Variants in SLC27A6 observed in about 807,000 individuals in gnomAD.
SLC27A6 encodes solute carrier family 27 member 6.
Under a neutral mutation model 63.9 loss-of-function variants are expected in SLC27A6, and 74 were observed. The observed-to-expected ratio is 1.16, with a 90% CI of 0.96 to 1.40. SLC27A6 has a LOEUF of 1.40. Among genes scored for constraint, SLC27A6 ranks in the 40% most tolerant of loss-of-function variants. The pLI, the probability that SLC27A6 is intolerant of heterozygous loss-of-function variation, is 0.00. For synonymous variants in SLC27A6, 287 were observed against 260.8 expected, an observed-to-expected ratio of 1.10 and a Z score of -0.97; for missense variants, 794 against 732.9, an observed-to-expected ratio of 1.08 and a Z score of -0.96.
intron 4 of SLC27A6, among the ~76,000 whole-genome samples, chr5:128,994,195 T>C (rs1751078561): frequency 6.6e-6 from 1 of 152,108 alleles, no homozygotes; most frequent in African/African-American, 2.4e-5. Context: ...ATTTTTAATT[T>C]TAATTTTTAA....
At chr5:129,012,148 TTCTG>T (rs1751748096) in intron 4 of SLC27A6, among the ~76,000 whole-genome samples, 1 of 151,986 alleles carries the variant, frequency 6.6e-6, no homozygotes, top group Admixed American at 6.6e-5. Flanking sequence ...ATAATTTTTA[TTCTG>T]TCTTATTTTT....
At chr5:129,014,835 A>G (rs1393830747) in intron 4 of SLC27A6, among the ~76,000 whole-genome samples, 1 of 152,178 alleles carries the variant, frequency 6.6e-6, no homozygotes, top group East Asian at 1.9e-4. Flanking sequence ...CTTGGATTTC[A>G]GCCTTATCCA....
At chr5:128,981,795 GT>G (rs1400058777) in intron 1 of SLC27A6, among the ~76,000 whole-genome samples, 1 of 103,360 alleles carries the variant, frequency 9.7e-6, no homozygotes, top group Non-Finnish European at 2.1e-5. Flanking sequence ...CATGAAAAGA[GT>G]TTTTTTCTTT....
chr5:128,989,923 C>CAAA (rs11415836), intron 3 of SLC27A6, among the ~76,000 whole-genome samples: 5 of 96,464 alleles, frequency 5.2e-5, no homozygotes, highest in African/African-American at 2.1e-4. Flanking sequence ...GACTCCGTCT[C>CAAA]AAAAAAAAAA....
At chr5:129,006,589 T>A (rs898127140) in intron 4 of SLC27A6, among the ~76,000 whole-genome samples, 57 of 152,146 alleles carry the variant, frequency 3.7e-4, no homozygotes, top group African/African-American at 1.4e-3. Flanking sequence ...ATTATTTTCA[T>A]TTACATAAAA....
chr5:128,983,110 C>A (rs1750648525), intron 1 of SLC27A6, among the ~76,000 whole-genome samples: 1 of 152,022 alleles, frequency 6.6e-6, no homozygotes, highest in Non-Finnish European at 1.5e-5. Context: ...TTTGAGGGAA[C>A]CAGATACTGA....
At chr5:129,028,101 T>A (rs1752302779) in intron 7 of SLC27A6, among the ~76,000 whole-genome samples, 1 of 152,084 alleles carries the variant, frequency 6.6e-6, no homozygotes, top group Non-Finnish European at 1.5e-5. Flanking sequence ...TTTATGTATA[T>A]TATAAAACAT....
chr5:128,987,100 A>T (rs1750815830), intron 2 of SLC27A6, among the ~76,000 whole-genome samples: 1 of 152,188 alleles, frequency 6.6e-6, no homozygotes, highest in Non-Finnish European at 1.5e-5. Flanking sequence ...AGGTTTAAAA[A>T]GTAGGGGATA....
At chr5:128,991,226 G>A (rs1431405691) in intron 4 of SLC27A6, among the ~76,000 whole-genome samples, 2 of 152,116 alleles carry the variant, frequency 1.3e-5, no homozygotes, top group African/African-American at 4.8e-5. Context: ...TGACCTGATT[G>A]GCCGGGTGTG....
chr5:128,982,882 C>A (rs1216357077), intron 1 of SLC27A6, among the ~76,000 whole-genome samples: 1 of 152,132 alleles, frequency 6.6e-6, no homozygotes, highest in East Asian at 1.9e-4. Context: ...AGGCTATGAA[C>A]CCCACTTTCC....
intron 6 of SLC27A6, among the ~76,000 whole-genome samples, chr5:129,024,351 T>A (rs1313353489): frequency 6.6e-6 from 1 of 152,184 alleles, no homozygotes; most frequent in African/African-American, 2.4e-5. Context: ...ACTCTAGATA[T>A]AATGTAAAGT....
intron 8 of SLC27A6, 22 bp from the exon 9 acceptor site, chr5:129,029,555 T>C (rs1752351663): frequency 1.2e-5 from 19 of 1,524,866 alleles, no homozygotes; most frequent in Non-Finnish European, 1.6e-5. Flanking sequence ...TAAAAATGAC[T>C]CTATTTCAAA....
chr5:128,981,598 G>T (rs113446583), intron 1 of SLC27A6, among the ~76,000 whole-genome samples: 2,126 of 152,104 alleles, frequency 0.014, 16 homozygotes, highest in Non-Finnish European at 0.021. Context: ...AATGGCATGC[G>T]GCCAGGTAGA....
intron 1 of SLC27A6, among the ~76,000 whole-genome samples, chr5:128,967,572 C>A (rs368517172): frequency 2.2e-4 from 33 of 152,114 alleles, no homozygotes; most frequent in East Asian, 1.5e-3. Context: ...TATATTTATA[C>A]CCTGGTGATC....
At chr5:129,029,791 T>C in intron 9 of SLC27A6, 84 bp downstream of exon 9, 1 of 1,252,378 alleles carries the variant, frequency 8.0e-7, no homozygotes, top group East Asian at 2.4e-5. Flanking sequence ...TTGTATCCTT[T>C]AGATAACATG....
At chr5:128,987,527 T>C (rs1428858826) in intron 2 of SLC27A6, among the ~76,000 whole-genome samples, 3 of 152,040 alleles carry the variant, frequency 2.0e-5, no homozygotes, top group Non-Finnish European at 4.4e-5. Context: ...TGGAGAAAAC[T>C]GACAAGATAG....
intron 1 of SLC27A6, among the ~76,000 whole-genome samples, chr5:128,969,975 G>C (rs149651657): frequency 0.24 from 36,171 of 151,844 alleles, 4,831 homozygotes; most frequent in Middle Eastern, 0.34. Context: ...TAGCATGAAG[G>C]GCTGTTGAAT....
intron 4 of SLC27A6, among the ~76,000 whole-genome samples, chr5:128,996,159 T>C (rs1269889560): frequency 2.6e-5 from 4 of 152,158 alleles, no homozygotes; most frequent in African/African-American, 9.7e-5. Flanking sequence ...GGACCTATAG[T>C]GTGATACATG....
At chr5:128,975,422 C>T (rs972072706) in intron 1 of SLC27A6, among the ~76,000 whole-genome samples, 15 of 152,140 alleles carry the variant, frequency 9.9e-5, no homozygotes, top group African/African-American at 3.6e-4. Context: ...ATAGAGTGTA[C>T]CTACACGAAC....
Sources: allele counts gnomAD v4.1 joint callset (sites outside exome capture counted in the v4.1 genomes callset), GRCh38; gene constraint gnomAD v4.1.1; transcripts MANE v1.5; gene names NCBI Gene and HGNC (gene_info 2026-07-23, HGNC 2026-07-21).